Variants in NUP133 observed in about 807,000 individuals in gnomAD.
NUP133 encodes the protein nucleoporin 133.
Under a neutral mutation model 146.2 loss-of-function variants are expected in NUP133, and 66 were observed. The ratio of observed to expected loss-of-function variants is 0.45; its 90% CI spans 0.37 to 0.55. The LOEUF (loss-of-function observed/expected upper bound fraction) is 0.55. Ranked by LOEUF, NUP133 falls within the 20% of genes least tolerant of loss-of-function variation. NUP133 has a pLI of 0.00. For missense variants in NUP133, 1,277 were observed against 1,374.8 expected, an observed-to-expected ratio of 0.93 and a Z score of 1.12; for synonymous variants, 521 against 498.8, an observed-to-expected ratio of 1.04 and a Z score of -0.59.
At chr1:229,498,002 T>A (rs554527128) in intron 6 of NUP133, 134 bp downstream of exon 6, 10 of 528,080 alleles carry the variant, frequency 1.9e-5, no homozygotes, top group Non-Finnish European at 3.1e-5. Context: ...TAAAAATAGT[T>A]CACTAAAAAG....
intron 15 of NUP133, among the ~76,000 whole-genome samples, chr1:229,467,714 CAA>C (rs1257313434): frequency 1.3e-5 from 2 of 152,040 alleles, no homozygotes; most frequent in Non-Finnish European, 2.9e-5. Context: ...ATCACAAGGT[CAA>C]GAGATCAAGA....
chr1:229,480,872 T>C (rs1661194809), intron 12 of NUP133, among the ~76,000 whole-genome samples: 1 of 150,128 alleles, frequency 6.7e-6, no homozygotes. Flanking sequence ...TTTTTTTTTT[T>C]TAAGAAGAGA....
At position 229,458,166 on chromosome 1, in the gene NUP133, A is replaced by AT. The variant is rs1298708443; in HGVS notation, c.2974dup (p.Ile992AsnfsTer2). The AT allele has an allele frequency of 1.2e-6, 2 of 1,607,540 alleles. No homozygotes were observed. The highest frequency in any genetic ancestry group is 1.7e-6 in the Non-Finnish European group (2 of 1,176,598). On this transcript the variant is annotated frameshift_variant, in exon 21 of 26. Coordinates refer to ENST00000261396, the MANE Select transcript of NUP133 (RefSeq NM_018230.3). LOFTEE classifies it high-confidence loss of function. Reference sequence around the variant, plus strand: ...TTTTGCTCAAATTCTTTCACCTTCAATTTTTTCTTGTAGCATATCCTCTGA... The same window carrying AT: ...TTTTGCTCAAATTCTTTCACCTTCAATTTTTTTCTTGTAGCATATCCTCTGA...
chr1:229,508,139 C>G lies in NUP133; in HGVS notation c.111G>C (p.Leu37=). 6.3e-7 allele frequency: 1 copy of G among 1,596,476 alleles called. No homozygotes were observed. Among genetic ancestry groups the G allele is most frequent in the South Asian group, 1.1e-5 (1 of 89,422 alleles). The change falls in exon 1 of 26, where the codon CTG becomes CTC. Residue 37 remains leucine (L), a synonymous_variant. Transcript: ENST00000261396. ...GGGAGCTGACTGCAGACCCCAGGGG[C>G]AGACCCTTCCTGCTAGCCGTCCGGG... ...STPRTASRKG[L]PLGSAVSSPV...
intron 11 of NUP133, among the ~76,000 whole-genome samples, chr1:229,486,042 G>A (rs1046105192): frequency 2.6e-5 from 4 of 152,040 alleles, no homozygotes; most frequent in African/African-American, 9.7e-5. Context: ...CATGTCTGTA[G>A]TCCCAGCTAT....
chr1:229,454,817 T>C (rs780326089), intron 21 of NUP133, among the ~76,000 whole-genome samples: 31 of 152,160 alleles, frequency 2.0e-4, no homozygotes, highest in Admixed American at 6.5e-4. Flanking sequence ...GCCAGTCCTA[T>C]AGAATATAAA....
intron 21 of NUP133, among the ~76,000 whole-genome samples, chr1:229,456,429 T>G (rs1660560299): frequency 6.6e-6 from 1 of 152,216 alleles, no homozygotes; most frequent in Non-Finnish European, 1.5e-5. Flanking sequence ...ACTCATGAAT[T>G]TTTTTGTCTT....
At chr1:229,461,086 T>A (rs556437237) in intron 19 of NUP133, among the ~76,000 whole-genome samples, 1 of 152,272 alleles carries the variant, frequency 6.6e-6, no homozygotes, top group South Asian at 2.1e-4. Flanking sequence ...TAAAATTCAG[T>A]TCCTTAGGTA....
At chr1:229,451,127 AGTG>A (rs548368964) in intron 22 of NUP133, 55 of 152,102 alleles carry the variant, frequency 3.6e-4, no homozygotes, top group African/African-American at 1.2e-3. Context: ...GGCACGGCAC[AGTG>A]GCTCATGTCT....
rs746631129 is a variant in NUP133, at chr1:229,443,894, C to CTT, written c.3334+1018_3334+1019dup. Among the ~76,000 whole-genome samples the CTT allele has an allele frequency of 1.2e-3, 143 of 114,842 alleles. 1 individual carries two copies. The highest frequency in any genetic ancestry group is 5.9e-3 in the South Asian group (21 of 3,542). 75.3% of individuals were successfully genotyped at this position (114,842 alleles called of 152,430 possible). A position where few individuals can be genotyped will look rare whatever the true frequency, so the allele number is the denominator to read the frequency against. On this transcript the variant is annotated intron_variant, in intron 25 of 25. Transcript: ENST00000261396. ...CAGGCATGCACCCCTGTGCTCAACT[C>CTT]TTTTTTTTTTTTTTTTTTTTTTTTA...
chr1:229,506,237 CAGTA>C lies in NUP133; in HGVS notation c.183-83_183-80del, dbSNP rs1571945331. 8.3e-6 allele frequency: 6 copies of C among 720,234 alleles called. No homozygotes were observed. The East Asian group carries it at 1.6e-4, about 19-fold the overall frequency. 44.6% of individuals were successfully genotyped at this position (720,234 alleles called of 1,614,324 possible). ...CTAATTTTTTATGTATATATTTTCACAGTAAGGAGTTCTTTGAAAAAAATTAACA... is the reference window on the plus strand; with the variant it reads ...CTAATTTTTTATGTATATATTTTCACAGGAGTTCTTTGAAAAAAATTAACA... On this transcript the variant is annotated intron_variant, in intron 1 of 25. Coordinates refer to ENST00000261396, the MANE Select transcript of NUP133 (RefSeq NM_018230.3).
At chr1:229,446,479 G>A (rs1262024221) in intron 24 of NUP133, among the ~76,000 whole-genome samples, 7 of 151,920 alleles carry the variant, frequency 4.6e-5, no homozygotes, top group Admixed American at 4.6e-4. Context: ...AAAGGGCACT[G>A]ACCCTCAAAT....
chr1:229,460,676 T>G lies in NUP133; in HGVS notation c.2779A>C (p.Asn927His), dbSNP rs764079404. 2.1e-5 allele frequency: 34 copies of G among 1,614,022 alleles called. No individual in the cohort carries two copies. Among genetic ancestry groups the G allele is most frequent in the Non-Finnish European group, 2.7e-5 (32 of 1,180,012 alleles). Residue 927 changes from asparagine (N) to histidine (H), a missense_variant, in exon 20 of 26, where the codon AAT becomes CAT. By Grantham distance (68) the Asn-to-His change is moderately conservative. Transcript: ENST00000261396. ...AGATGTTCATGAGCTTGCAAAAAAT[T>G]TGCCAACTGTCCATGCTGAGAAATG... ...QPISQHGQLA[N>H]FLQAHEHLSW...
chr1:229,479,846 T>C (rs1661167078), intron 12 of NUP133, among the ~76,000 whole-genome samples: 1 of 152,176 alleles, frequency 6.6e-6, no homozygotes, highest in Non-Finnish European at 1.5e-5. Context: ...ACTGAGAATG[T>C]AGACATCCTT....
Position 229,468,794 on chromosome 1 carries a change from GACA to G in NUP133, c.2076+1783_2076+1785del, listed in dbSNP as rs1558095963. ...TAAAGACCAAAAAGGACACAAAAATGACAACAACTTGATTTGTTAGATCATGAA... is the reference window on the plus strand; with the variant it reads ...TAAAGACCAAAAAGGACACAAAAATGACAACTTGATTTGTTAGATCATGAA... On this transcript the variant is annotated intron_variant, in intron 15 of 25. Transcript: ENST00000261396. Among the ~76,000 whole-genome samples the G allele has an allele frequency of 2.0e-5, 3 of 152,260 alleles. No homozygotes were observed. The South Asian group carries it at 6.2e-4, about 32-fold the overall frequency.
At position 229,502,254 on chromosome 1, in the gene NUP133, T is replaced by C. The variant is rs556465387; in HGVS notation, c.302-152A>G. The C allele has an allele frequency of 2.5e-4, 149 of 589,528 alleles. 1 individual carries two copies. The East Asian group carries it at 2.8e-3, about 11-fold the overall frequency. The allele number at this position is 589,528 out of a possible 1,614,324, so 36.5% of individuals were successfully genotyped here. On this transcript the variant is annotated intron_variant, in intron 2 of 25. Transcript: ENST00000261396. ...CCAAAATTATCAACACCAAAAACAA[T>C]AGATCTATTAACTCTGATAACCAAC...
Position 229,441,869 on chromosome 1 carries a change from C to G in NUP133, c.*35G>C. On this transcript the variant is annotated 3_prime_UTR_variant, in exon 26 of 26. Transcript: ENST00000261396. ...AAATTTGTATAAGGACACACTTATACAGATTTCATAAACAATGGCCATTTT... is the reference window on the plus strand; with the variant it reads ...AAATTTGTATAAGGACACACTTATAGAGATTTCATAAACAATGGCCATTTT... The G allele has an allele frequency of 1.3e-6, 2 of 1,519,602 alleles. No homozygotes were observed. Among genetic ancestry groups the G allele is most frequent in the Non-Finnish European group, 1.8e-6 (2 of 1,131,734 alleles). 94.1% of individuals were successfully genotyped at this position (1,519,602 alleles called of 1,614,324 possible).
At chr1:229,493,187 T>C (rs756048206) in intron 8 of NUP133, among the ~76,000 whole-genome samples, 30 of 152,330 alleles carry the variant, frequency 2.0e-4, no homozygotes, top group Non-Finnish European at 2.2e-4. Context: ...TTTTGTTTTA[T>C]TGGTCTTAGA....
At chr1:229,457,314 A>C (rs996397625) in intron 21 of NUP133, among the ~76,000 whole-genome samples, 2 of 152,206 alleles carry the variant, frequency 1.3e-5, no homozygotes, top group African/African-American at 4.8e-5. Context: ...TCAATAATAC[A>C]GAGTTTTTCT....
Sources: gnomAD v4.1 joint callset for allele counts (sites outside exome capture counted in the v4.1 genomes callset) on GRCh38, gnomAD v4.1.1 for gene constraint, MANE v1.5 for transcripts, NCBI Gene and HGNC (gene_info 2026-07-23, HGNC 2026-07-21) for gene names.